TUSC3: variants seen among roughly 807,000 people sequenced by gnomAD.
TUSC3 encodes the protein dolichyl-diphosphooligosaccharide--protein glycosyltransferase subunit TUSC3.
A neutral mutation model predicts 44.8 loss-of-function variants in TUSC3; 45 were observed. The observed-to-expected ratio is 1.00, with a 90% CI of 0.79 to 1.29. TUSC3 has a LOEUF of 1.29. Ranked by LOEUF, TUSC3 falls within the 50% of genes most tolerant of loss-of-function variation. The pLI is 0.00. For missense variants in TUSC3, 519 were observed against 437.9 expected (o/e 1.19, Z -1.65); for synonymous variants, 212 against 152.9 (o/e 1.39, Z -2.85).
the TUSC3 span, among the ~76,000 whole-genome samples, chr8:15,776,512 A>G: frequency 1.3e-5 from 2 of 152,090 alleles, no homozygotes; most frequent in African/African-American, 2.4e-5. Context: ...TCATCTGCCC[A>G]TGTCTGTCTA....
At chr8:15,813,027 G>T in the TUSC3 span, among the ~76,000 whole-genome samples, 1 of 152,116 alleles carries the variant, frequency 6.6e-6, no homozygotes, top group Admixed American at 6.6e-5. Flanking sequence ...CTGGGAAGCA[G>T]AGGATGCAGT....
the TUSC3 span, among the ~76,000 whole-genome samples, chr8:15,778,874 T>C: frequency 4.6e-5 from 7 of 152,146 alleles, no homozygotes; most frequent in East Asian, 1.2e-3. Context: ...TACAGAACAA[T>C]GACTACAGAT....
the TUSC3 span, among the ~76,000 whole-genome samples, chr8:15,781,752 A>G: frequency 6.6e-6 from 1 of 152,108 alleles, no homozygotes. Flanking sequence ...CTAAACTTCC[A>G]AAAAACTGAA....
rs181527436 is a variant in TUSC3 at position 15,474,858 on chromosome 8, C to A, written n.92-8528C>A. 2.7e-4 allele frequency among the ~76,000 whole-genome samples: 41 copies of A among 152,248 alleles called. 1 individual carries two copies. The East Asian group carries it at 7.7e-3, about 29-fold the overall frequency. On this transcript the variant is annotated intron_variant and non_coding_transcript_variant, in intron 1 of 5. Transcript: ENST00000503191. ...ATATCCACACACAACCCATCCCAAC[C>A]CTGACCGTCTGTACTAGCCTCCTAA...
intron 2 of TUSC3, among the ~76,000 whole-genome samples, chr8:15,487,775 T>C (rs1275414654): frequency 2.1e-4 from 32 of 152,224 alleles, no homozygotes; most frequent in Non-Finnish European, 4.4e-5. Context: ...CTATCTCCCA[T>C]GTTAGATGTT....
chr8:15,470,236 G>A (rs990301828), intron 1 of TUSC3, among the ~76,000 whole-genome samples: 3 of 147,542 alleles, frequency 2.0e-5, no homozygotes, highest in African/African-American at 5.0e-5. Context: ...TCCAGCCTGG[G>A]CAACAGAGAA....
chr8:15,644,176 A>AT (rs146359126), intron 2 of TUSC3, among the ~76,000 whole-genome samples: 3,598 of 152,180 alleles, frequency 0.024, 123 homozygotes, highest in African/African-American at 0.077. Context: ...AGATTAAGTG[A>AT]TTTTTTTCCC....
intron 2 of TUSC3, among the ~76,000 whole-genome samples, chr8:15,629,494 A>C (rs2129167261): frequency 6.6e-6 from 1 of 151,960 alleles, no homozygotes; most frequent in African/African-American, 2.4e-5. Flanking sequence ...TAATAAATGA[A>C]GCATCAGAGG....
At chr8:15,493,331 G>C (rs1453386567) in intron 2 of TUSC3, among the ~76,000 whole-genome samples, 1 of 152,056 alleles carries the variant, frequency 6.6e-6, no homozygotes, top group Non-Finnish European at 1.5e-5. Flanking sequence ...CTCAATCATA[G>C]CTCACAGCAG....
chr8:15,754,872 T>G (rs1457305027), intron 9 of TUSC3, among the ~76,000 whole-genome samples: 1 of 152,084 alleles, frequency 6.6e-6, no homozygotes, highest in Admixed American at 6.6e-5. Context: ...GAAGTGATCC[T>G]GTTCGGCTTA....
rs182831608 is a variant in TUSC3 at position 15,638,722 on chromosome 8, C to A, written c.309-11975C>A. ...TGTATTTTTAATAGAGACAGGGTTT[C>A]ACCATGTTGGCCAGGCTGGTCTCAA... On this transcript the variant is annotated intron_variant, in intron 2 of 10. Transcript: ENST00000503731. Among the ~76,000 whole-genome samples the A allele has an allele frequency of 8.6e-3, 1,308 of 152,054 alleles. 19 individuals carry two copies. Among genetic ancestry groups the A allele is most frequent in the African/African-American group, 0.03 (1,247 of 41,494 alleles).
At chr8:15,702,042 G>C (rs1809428725) in intron 6 of TUSC3, among the ~76,000 whole-genome samples, 1 of 152,218 alleles carries the variant, frequency 6.6e-6, no homozygotes, top group African/African-American at 2.4e-5. Flanking sequence ...CCACTACCAA[G>C]GTAATGGAAA....
rs562052133 is a variant in TUSC3 at position 15,649,216 on chromosome 8, T to A, written c.309-1481T>A. 2.2e-4 allele frequency among the ~76,000 whole-genome samples: 34 copies of A among 152,256 alleles called. No homozygotes were observed. In the South Asian group the frequency reaches 7.0e-3, roughly 32 times the overall value. ...AGGTTTTCCTCAAATACATGTTTTTTTTCGTTGCGGTGGGGATGAAGGCTA... is the reference window on the plus strand; with the variant it reads ...AGGTTTTCCTCAAATACATGTTTTTATTCGTTGCGGTGGGGATGAAGGCTA... On this transcript the variant is annotated intron_variant, in intron 2 of 10. Transcript: ENST00000503731.
chr8:15,598,116 A>G (rs961287363), intron 1 of TUSC3, among the ~76,000 whole-genome samples: 4 of 152,014 alleles, frequency 2.6e-5, no homozygotes, highest in African/African-American at 9.7e-5. Flanking sequence ...GGTTGAAAGC[A>G]GAGTTTGCAG....
intron 1 of TUSC3, among the ~76,000 whole-genome samples, chr8:15,552,253 T>A (rs1195181056): frequency 6.6e-6 from 1 of 151,868 alleles, no homozygotes; most frequent in Admixed American, 6.6e-5. Flanking sequence ...AGTGCCAAGT[T>A]ATTGAAGTTT....
At chr8:15,521,264 C>G (rs1199042261) in intron 2 of TUSC3, among the ~76,000 whole-genome samples, 1 of 152,086 alleles carries the variant, frequency 6.6e-6, no homozygotes. Context: ...GCTTGATCCT[C>G]GGCTGGGTAG....
intron 7 of TUSC3, among the ~76,000 whole-genome samples, chr8:15,736,948 A>T (rs1810962404): frequency 6.6e-6 from 1 of 152,142 alleles, no homozygotes; most frequent in Non-Finnish European, 1.5e-5. Flanking sequence ...ATCTCAAGAA[A>T]ATGACATGAA....
chr8:15,431,927 C>G (rs1799877992), intron 1 of TUSC3, among the ~76,000 whole-genome samples: 4 of 129,394 alleles, frequency 3.1e-5, no homozygotes, highest in African/African-American at 1.1e-4. Context: ...TACATTATCA[C>G]ATTTATTTAT....
chr8:15,734,847 A>C (rs754275808), intron 7 of TUSC3, among the ~76,000 whole-genome samples: 2 of 152,222 alleles, frequency 1.3e-5, no homozygotes, highest in Non-Finnish European at 2.9e-5. Context: ...TCTTTATTGC[A>C]GGAAGATAAA....
Sources: gnomAD v4.1 joint callset for allele counts (sites outside exome capture counted in the v4.1 genomes callset) on GRCh38, gnomAD v4.1.1 for gene constraint, MANE v1.5 for transcripts, NCBI Gene and HGNC (gene_info 2026-07-23, HGNC 2026-07-21) for gene names.